The following KCTD20 variants were observed in gnomAD, a reference collection of about 807,000 sequenced individuals.
KCTD20 encodes potassium channel tetramerization domain containing 20.
Under a neutral mutation model 39.6 loss-of-function variants are expected in KCTD20, and 30 were observed. That is an observed-to-expected ratio of 0.76 (90% CI 0.57 to 1.03). KCTD20 has a LOEUF of 1.03. KCTD20 is among the 50% of genes least tolerant of loss of function. The pLI, the probability that KCTD20 is intolerant of heterozygous loss-of-function variation, is 0.00. For missense variants in KCTD20, 422 were observed against 522.0 expected (o/e 0.81, Z 1.87); for synonymous variants, 162 against 180.6 (o/e 0.90, Z 0.83).
At chr6:36,449,385 C>T (rs769141426) in intron 1 of KCTD20, among the ~76,000 whole-genome samples, 14 of 150,726 alleles carry the variant, frequency 9.3e-5, no homozygotes, top group South Asian at 2.1e-4. Context: ...AGACACAGAG[C>T]GCTGATTGAT....
In KCTD20 at chr6:36,487,341, T is replaced by C; in HGVS notation, c.*166T>C. 1 of 665,130 alleles carries C rather than the reference T, an allele frequency of 1.5e-6. No individual in the cohort carries two copies. Among genetic ancestry groups the C allele is most frequent in the Non-Finnish European group, 2.5e-6 (1 of 399,048 alleles). 41.2% of individuals were successfully genotyped at this position (665,130 alleles called of 1,614,324 possible). A position where few individuals can be genotyped will look rare whatever the true frequency, so the allele number is the denominator to read the frequency against. ...GTCCTTTTCAGTAAGTCCATGCCTC[T>C]GGCAGGGGATGAAGAAGTACTCACT... On this transcript the variant is annotated 3_prime_UTR_variant, in exon 8 of 8. Transcript: ENST00000373731.
intron 1 of KCTD20, among the ~76,000 whole-genome samples, chr6:36,467,090 C>T (rs1775776848): frequency 6.6e-6 from 1 of 151,654 alleles, no homozygotes; most frequent in East Asian, 2.0e-4. Context: ...GGTGGATCAC[C>T]TGAGGTCAGG....
chr6:36,484,826 T>TA lies in KCTD20; in HGVS notation c.967+18dup, dbSNP rs11450552. On this transcript the variant is annotated splice_region_variant and intron_variant, in intron 7 of 7. Transcript: ENST00000373731. ...AAAACATTCGCATTGGAATTGAAGG[T>TA]AAAAAAAAAAAAAAAATCCCAGTCA... The TA allele has an allele frequency of 0.17, 217,502 of 1,284,660 alleles. 6,013 individuals are homozygous for TA. Among genetic ancestry groups the TA allele is most frequent in the African/African-American group, 0.36 (22,502 of 62,534 alleles). 79.6% of individuals were successfully genotyped at this position (1,284,660 alleles called of 1,614,324 possible). A position where few individuals can be genotyped will look rare whatever the true frequency, so the allele number is the denominator to read the frequency against.
At chr6:36,465,210 T>G (rs1775709835) in intron 1 of KCTD20, among the ~76,000 whole-genome samples, 1 of 150,890 alleles carries the variant, frequency 6.6e-6, no homozygotes, top group Non-Finnish European at 1.5e-5. Context: ...GCAGGAGAAT[T>G]GCTTGAACCC....
intron 2 of KCTD20, 62 bp from the exon 3 acceptor site, chr6:36,474,727 T>C: frequency 1.4e-6 from 2 of 1,427,108 alleles, no homozygotes; most frequent in Non-Finnish European, 1.9e-6. Context: ...GAAGACAGGG[T>C]TTATTTTTCT....
intron 1 of KCTD20, among the ~76,000 whole-genome samples, chr6:36,465,077 C>T (rs1411200804): frequency 6.6e-6 from 1 of 152,080 alleles, no homozygotes; most frequent in African/African-American, 2.4e-5. Flanking sequence ...GTGGGTGGAT[C>T]ATGAGGTCAG....
At position 36,470,173 on chromosome 6, in the gene KCTD20, G is replaced by A. The variant is rs748213464; in HGVS notation, c.76G>A (p.Ala26Thr). ...EASCLVDDTL[A>T]VAQEKEANSL... is the part of the protein sequence containing the mutation. ...CAGCTGCTTAGTGGATGATACTTTAGCTGTAGCCCAAGAAAAAGAAGCAAA... is the reference window on the plus strand; with the variant it reads ...CAGCTGCTTAGTGGATGATACTTTAACTGTAGCCCAAGAAAAAGAAGCAAA... Residue 26 changes from alanine to threonine, a missense_variant, in exon 2 of 8, where the codon GCT (alanine) becomes ACT (threonine). Transcript: ENST00000373731. 3 of 1,613,954 alleles carry A rather than the reference G, an allele frequency of 1.9e-6. No homozygotes were observed. The highest frequency in any genetic ancestry group is 3.3e-5 in the Admixed American group (2 of 59,990).
chr6:36,450,163 TAAAAAAAA>T (rs576681021), intron 1 of KCTD20, among the ~76,000 whole-genome samples: 8 of 105,870 alleles, frequency 7.6e-5, no homozygotes, highest in African/African-American at 3.6e-4. Flanking sequence ...GACTCCGTCC[TAAAAAAAA>T]AAAAAAAAAA....
intron 1 of KCTD20, among the ~76,000 whole-genome samples, chr6:36,466,244 G>T (rs1459058232): frequency 6.6e-6 from 1 of 151,366 alleles, no homozygotes; most frequent in Non-Finnish European, 1.5e-5. Context: ...TGTATTTTTA[G>T]TAGAGACGGG....
At chr6:36,472,099 C>T (rs1387700004) in intron 2 of KCTD20, among the ~76,000 whole-genome samples, 2 of 152,180 alleles carry the variant, frequency 1.3e-5, no homozygotes, top group Non-Finnish European at 2.9e-5. Flanking sequence ...CCGCCCGCCT[C>T]GGCCTTCCAA....
Position 36,487,280 on chromosome 6 carries a change from C to A in KCTD20, c.*105C>A. 2 of 1,140,624 alleles carry A rather than the reference C, an allele frequency of 1.8e-6. No homozygotes were observed. The highest frequency in any genetic ancestry group is 1.5e-5 in the South Asian group (1 of 66,834). The allele number at this position is 1,140,624 out of a possible 1,614,324, so 70.7% of individuals were successfully genotyped here. A position where few individuals can be genotyped will look rare whatever the true frequency, so the allele number is the denominator to read the frequency against. ...CACCTTGAGTAGGAGACATGCTTCTCCCCTAACCTTTTCCTTTCTGCCATA... is the reference window on the plus strand; with the variant it reads ...CACCTTGAGTAGGAGACATGCTTCTACCCTAACCTTTTCCTTTCTGCCATA... On this transcript the variant is annotated 3_prime_UTR_variant, in exon 8 of 8. Coordinates refer to ENST00000373731, the MANE Select transcript of KCTD20 (RefSeq NM_173562.5).
chr6:36,485,043 C>T (rs1163098044), intron 7 of KCTD20, among the ~76,000 whole-genome samples: 2 of 152,122 alleles, frequency 1.3e-5, no homozygotes, highest in African/African-American at 4.8e-5. Context: ...TTCGAGTTTA[C>T]TACTTCAGGA....
chr6:36,452,608 T>C (rs1775290730), intron 1 of KCTD20: 1 of 151,324 alleles, frequency 6.6e-6, no homozygotes, highest in Non-Finnish European at 1.5e-5. Context: ...AATGTCGCTA[T>C]CTTGGCTTAC....
rs957447726 is a variant in KCTD20 at position 36,462,310 on chromosome 6, TCG to T, written c.-46-7740_-46-7739del. On this transcript the variant is annotated intron_variant, in intron 1 of 7. Coordinates refer to ENST00000373731, the MANE Select transcript of KCTD20 (RefSeq NM_173562.5). ...TGTGGTCAGATTTGTCTTTCTCATT[TCG>T]CTTTTGGGTTTTGGGTCTTGATTAA... 3.6e-4 allele frequency among the ~76,000 whole-genome samples: 55 copies of T among 152,344 alleles called. 1 individual carries two copies. Among genetic ancestry groups the T allele is most frequent in the Admixed American group, 2.1e-3 (32 of 15,294 alleles).
intron 1 of KCTD20, among the ~76,000 whole-genome samples, chr6:36,445,261 C>CAAAAA (rs34039126): frequency 6.3e-5 from 5 of 79,750 alleles, no homozygotes; most frequent in Non-Finnish European, 1.0e-4. Flanking sequence ...GACTCCGTCT[C>CAAAAA]AAAAAAAAAA....
At chr6:36,472,095 G>T (rs771690746) in intron 2 of KCTD20, among the ~76,000 whole-genome samples, 3 of 152,094 alleles carry the variant, frequency 2.0e-5, no homozygotes, top group Non-Finnish European at 4.4e-5. Flanking sequence ...TGATCCGCCC[G>T]CCTCGGCCTT....
chr6:36,470,261 C>T lies in KCTD20; in HGVS notation c.160+4C>T. 5.0e-6 allele frequency: 8 copies of T among 1,601,230 alleles called. No homozygotes were observed. Among genetic ancestry groups the T allele is most frequent in the Non-Finnish European group, 6.8e-6 (8 of 1,171,736 alleles). ...CCTCTAGGTCCCAGGAATGAAGGTA[C>T]AGTGATTAACTCTTGACTTAATTTG... On this transcript the variant is annotated splice_donor_region_variant and intron_variant, in intron 2 of 7. Coordinates refer to ENST00000373731, the MANE Select transcript of KCTD20 (RefSeq NM_173562.5).
At position 36,487,255 on chromosome 6, in the gene KCTD20, C is replaced by A; in HGVS notation, c.*80C>A. 7.1e-7 allele frequency: 1 copy of A among 1,416,134 alleles called. No individual in the cohort carries two copies. The highest frequency in any genetic ancestry group is 9.7e-7 in the Non-Finnish European group (1 of 1,032,710). The allele number at this position is 1,416,134 out of a possible 1,614,324, so 87.7% of individuals were successfully genotyped here. A position where few individuals can be genotyped will look rare whatever the true frequency, so the allele number is the denominator to read the frequency against. ...GCCAGCCCTCCCTCGTGATTTGTCT[C>A]ACCTTGAGTAGGAGACATGCTTCTC... On this transcript the variant is annotated 3_prime_UTR_variant, in exon 8 of 8. Coordinates refer to ENST00000373731, the MANE Select transcript of KCTD20 (RefSeq NM_173562.5).
At chr6:36,443,722 C>T (rs1240586255) in intron 1 of KCTD20, 1 of 152,218 alleles carries the variant, frequency 6.6e-6, no homozygotes, top group Non-Finnish European at 1.5e-5. Flanking sequence ...CTTTTTATAG[C>T]AGTGTCTTCA....
Sources: gnomAD v4.1 joint callset for allele counts (sites outside exome capture counted in the v4.1 genomes callset) on GRCh38, gnomAD v4.1.1 for gene constraint, MANE v1.5 for transcripts, NCBI Gene and HGNC (gene_info 2026-07-23, HGNC 2026-07-21) for gene names.